The following SPIN1 variants were observed in gnomAD, a reference collection of about 807,000 sequenced individuals.
The protein encoded by SPIN1 is spindlin-1.
In SPIN1, 3 loss-of-function variants were observed where a neutral mutation model predicts 26.0. The observed-to-expected ratio is 0.12, with a 90% CI of 0.05 to 0.30. The LOEUF (loss-of-function observed/expected upper bound fraction) is 0.30. Among genes scored for constraint, SPIN1 ranks in the 10% least tolerant of loss-of-function variants. The pLI is 1.00. For missense variants in SPIN1, 126 were observed against 333.4 expected, an observed-to-expected ratio of 0.38 and a Z score of 4.84; for synonymous variants, 101 against 116.5, an observed-to-expected ratio of 0.87 and a Z score of 0.86.
chr9:88,423,992 T>A (rs1467719851), intron 1 of SPIN1, among the ~76,000 whole-genome samples: 1 of 152,144 alleles, frequency 6.6e-6, no homozygotes, highest in Non-Finnish European at 1.5e-5. Context: ...GGTCTCGAAC[T>A]TTTGAGCTCA....
intron 3 of SPIN1, among the ~76,000 whole-genome samples, chr9:88,451,841 G>A (rs1037525100): frequency 1.3e-5 from 2 of 152,216 alleles, no homozygotes; most frequent in Non-Finnish European, 2.9e-5. Flanking sequence ...GATTATAGGC[G>A]TGAGCCACCG....
At chr9:88,399,236 G>A (rs1462957198) in intron 1 of SPIN1, among the ~76,000 whole-genome samples, 1 of 152,022 alleles carries the variant, frequency 6.6e-6, no homozygotes, top group Non-Finnish European at 1.5e-5. Context: ...GTTTCACCAT[G>A]TTGGCCAGGC....
chr9:88,426,447 A>G lies in SPIN1; in HGVS notation c.-93A>G, dbSNP rs1827766602. ...GAGACACTTGGATGGTGGATTAACC[A>G]GAACACTAACATTCTGTGAAAAGTT... On this transcript the variant is annotated 5_prime_UTR_variant, in exon 2 of 6. Transcript: ENST00000375859. 1 of 1,009,106 alleles carries G rather than the reference A, an allele frequency of 9.9e-7. No individual in the cohort carries two copies. Among genetic ancestry groups the G allele is most frequent in the African/African-American group, 1.6e-5 (1 of 61,856 alleles). 62.5% of individuals were successfully genotyped at this position (1,009,106 alleles called of 1,614,324 possible). A position where few individuals can be genotyped will look rare whatever the true frequency, so the allele number is the denominator to read the frequency against.
intron 1 of SPIN1, among the ~76,000 whole-genome samples, chr9:88,421,383 G>A (rs1321988773): frequency 2.0e-5 from 3 of 152,028 alleles, no homozygotes; most frequent in African/African-American, 7.2e-5. Context: ...GCTCACTGCA[G>A]CCTTAACCTC....
At chr9:88,395,650 G>A (rs1827037480) in intron 1 of SPIN1, among the ~76,000 whole-genome samples, 1 of 151,912 alleles carries the variant, frequency 6.6e-6, no homozygotes, top group Non-Finnish European at 1.5e-5. Context: ...GTCTCACAGT[G>A]TTGCCCAGGA....
intron 1 of SPIN1, among the ~76,000 whole-genome samples, chr9:88,411,647 G>A (rs965773903): frequency 6.6e-6 from 1 of 151,948 alleles, no homozygotes; most frequent in African/African-American, 2.4e-5. Flanking sequence ...CCTAGTAGCC[G>A]GGACTACAGG....
chr9:88,392,341 AC>A (rs1450402042), intron 1 of SPIN1, among the ~76,000 whole-genome samples: 1 of 152,188 alleles, frequency 6.6e-6, no homozygotes, highest in East Asian at 1.9e-4. Context: ...AAATATATAA[AC>A]ACAGATGTAT....
chr9:88,446,408 G>GT (rs372052401), intron 2 of SPIN1, among the ~76,000 whole-genome samples: 28,912 of 129,742 alleles, frequency 0.22, 4,254 homozygotes, highest in African/African-American at 0.46. Context: ...TTGGTTTGCT[G>GT]TTTTTTTTTT....
At chr9:88,416,135 A>G (rs1827559223) in intron 1 of SPIN1, among the ~76,000 whole-genome samples, 1 of 152,208 alleles carries the variant, frequency 6.6e-6, no homozygotes, top group African/African-American at 2.4e-5. Flanking sequence ...TTCCAGAACT[A>G]TAAAACCTAA....
intron 2 of SPIN1, among the ~76,000 whole-genome samples, chr9:88,436,747 T>G (rs1828005689): frequency 7.0e-6 from 1 of 143,526 alleles, no homozygotes. Context: ...ATAAATTTCC[T>G]CTGTGTCTTT....
At chr9:88,474,541 G>T (rs1587820050) in intron 5 of SPIN1, among the ~76,000 whole-genome samples, 1 of 152,184 alleles carries the variant, frequency 6.6e-6, no homozygotes, top group Non-Finnish European at 1.5e-5. Context: ...AGTTGAGGGG[G>T]AAGAAGCTTT....
chr9:88,452,516 A>G (rs1219346138), intron 3 of SPIN1, among the ~76,000 whole-genome samples: 8 of 152,212 alleles, frequency 5.3e-5, no homozygotes, highest in Non-Finnish European at 7.3e-5. Flanking sequence ...CTTTTTAATC[A>G]TCTTGCAGTA....
intron 2 of SPIN1, among the ~76,000 whole-genome samples, chr9:88,441,286 C>G (rs1328488760): frequency 6.6e-6 from 1 of 151,636 alleles, no homozygotes; most frequent in Non-Finnish European, 1.5e-5. Context: ...ACTTGGGCAT[C>G]CATGGAGTTT....
intron 1 of SPIN1, among the ~76,000 whole-genome samples, chr9:88,419,390 G>T (rs1257472431): frequency 1.3e-5 from 2 of 152,180 alleles, no homozygotes; most frequent in South Asian, 2.1e-4. Flanking sequence ...TGACACAGCA[G>T]CAGGGGACCC....
At chr9:88,455,372 C>T (rs1238982597) in intron 3 of SPIN1, among the ~76,000 whole-genome samples, 1 of 152,194 alleles carries the variant, frequency 6.6e-6, no homozygotes, top group East Asian at 1.9e-4. Flanking sequence ...AGGAGAATCG[C>T]TTGAACCGGG....
intron 1 of SPIN1, among the ~76,000 whole-genome samples, chr9:88,408,746 T>C (rs2117947186): frequency 6.8e-6 from 1 of 148,126 alleles, no homozygotes; most frequent in Non-Finnish European, 1.5e-5. Flanking sequence ...CGATCTCGGC[T>C]CACTGCAACC....
At chr9:88,446,858 A>G (rs1828261635) in intron 2 of SPIN1, among the ~76,000 whole-genome samples, 1 of 152,188 alleles carries the variant, frequency 6.6e-6, no homozygotes, top group South Asian at 2.1e-4. Context: ...ACTTATTTGT[A>G]TCAATGGTTT....
chr9:88,467,661 T>C (rs1012174949), intron 4 of SPIN1, among the ~76,000 whole-genome samples: 4 of 152,116 alleles, frequency 2.6e-5, no homozygotes, highest in Admixed American at 2.0e-4. Context: ...GTGAGCAGTT[T>C]GGTTGTTTTT....
chr9:88,415,385 A>G (rs1827539176), intron 1 of SPIN1, among the ~76,000 whole-genome samples: 1 of 152,114 alleles, frequency 6.6e-6, no homozygotes, highest in Non-Finnish European at 1.5e-5. Context: ...CAGAACCTAC[A>G]CCAGAGGCCC....
Sources: allele counts gnomAD v4.1 joint callset (sites outside exome capture counted in the v4.1 genomes callset), GRCh38; gene constraint gnomAD v4.1.1; transcripts MANE v1.5; gene names NCBI Gene and HGNC (gene_info 2026-07-23, HGNC 2026-07-21).